Variants in NRCAM observed in about 807,000 individuals in gnomAD.
NRCAM encodes the protein neuronal cell adhesion molecule.
A neutral mutation model predicts 156.5 loss-of-function variants in NRCAM; 83 were observed. The ratio of observed to expected loss-of-function variants is 0.53; its 90% confidence interval spans 0.44 to 0.64. NRCAM has a LOEUF of 0.64. NRCAM is among the 30% of genes least tolerant of loss of function. The pLI, the probability that NRCAM is intolerant of heterozygous loss-of-function variation, is 0.00. For synonymous variants in NRCAM, 538 were observed against 563.9 expected (o/e 0.95, Z 0.65); for missense variants, 1,417 against 1,597.3 (o/e 0.89, Z 1.92).
chr7:108,161,497 G>C (rs988098460), intron 30 of NRCAM, among the ~76,000 whole-genome samples: 1 of 152,118 alleles, frequency 6.6e-6, no homozygotes, highest in Non-Finnish European at 1.5e-5. Flanking sequence ...TTTTTTAAAA[G>C]ACCTTTATTT....
At chr7:108,172,380 C>T (rs1168307508) in intron 28 of NRCAM, among the ~76,000 whole-genome samples, 1 of 152,118 alleles carries the variant, frequency 6.6e-6, no homozygotes, top group Non-Finnish European at 1.5e-5. Context: ...ACTGCAGCCT[C>T]TGCCTCCTGG....
At chr7:108,379,708 G>C (rs1162204453) in intron 2 of NRCAM, among the ~76,000 whole-genome samples, 7 of 151,772 alleles carry the variant, frequency 4.6e-5, no homozygotes, top group Admixed American at 4.6e-4. Context: ...TGAAACTTCT[G>C]AAAATAAAAA....
chr7:108,322,430 G>A (rs544650333), intron 2 of NRCAM, among the ~76,000 whole-genome samples: 3 of 152,286 alleles, frequency 2.0e-5, no homozygotes, highest in East Asian at 3.9e-4. Context: ...TTTATCCCAC[G>A]TTCCCTATTG....
chr7:108,385,381 G>C (rs1192883823), intron 2 of NRCAM, among the ~76,000 whole-genome samples: 1 of 152,184 alleles, frequency 6.6e-6, no homozygotes, highest in Non-Finnish European at 1.5e-5. Flanking sequence ...AATCACATGA[G>C]AGAATTTCAG....
intron 2 of NRCAM, among the ~76,000 whole-genome samples, chr7:108,372,855 C>T (rs61657144): frequency 0.14 from 20,611 of 151,934 alleles, 2,226 homozygotes; most frequent in African/African-American, 0.3. Flanking sequence ...TGGGTATTTG[C>T]CCAGAAGAAT....
chr7:108,168,869 G>A lies in NRCAM; in HGVS notation c.3188-467C>T, dbSNP rs530556504. Among the ~76,000 whole-genome samples, 8 of 152,310 alleles carry A rather than the reference G, an allele frequency of 5.3e-5. No individual in the cohort carries two copies. In the East Asian group the frequency reaches 1.2e-3, roughly 22 times the overall value. ...AGGTCTTTAAAAAATCTGTGTTGGTGTGACAGAGAATGCCCCTTTGAACAG... is the reference window on the plus strand; with the variant it reads ...AGGTCTTTAAAAAATCTGTGTTGGTATGACAGAGAATGCCCCTTTGAACAG... On this transcript the variant is annotated intron_variant, in intron 28 of 32. Coordinates refer to ENST00000379028, the MANE Select transcript of NRCAM (RefSeq NM_001037132.4).
intron 3 of NRCAM, among the ~76,000 whole-genome samples, chr7:108,274,785 A>G (rs2097529748): frequency 6.6e-6 from 1 of 152,138 alleles, no homozygotes; most frequent in South Asian, 2.1e-4. Context: ...TTTGAATAGG[A>G]GTGGCGACAG....
chr7:108,215,212 A>ATTTTTTT (rs71137615), intron 11 of NRCAM, among the ~76,000 whole-genome samples: 1 of 126,562 alleles, frequency 7.9e-6, no homozygotes, highest in African/African-American at 3.0e-5. Context: ...GTGTCCCACT[A>ATTTTTTT]TTTTTTTTTT....
intron 2 of NRCAM, among the ~76,000 whole-genome samples, chr7:108,366,275 A>T (rs186289321): frequency 6.6e-6 from 1 of 152,330 alleles, no homozygotes; most frequent in East Asian, 1.9e-4. Flanking sequence ...TACATATCAG[A>T]TTCATGATTC....
chr7:108,184,645 G>T lies in NRCAM; in HGVS notation c.2036-31C>A. 2.5e-6 allele frequency: 4 copies of T among 1,591,910 alleles called. No homozygotes were observed. The South Asian group carries it at 3.4e-5, about 13-fold the overall frequency. ...CACGACACACACACACCAAACCCAAGACCGTGAATTCAGTCAACTCAGGGG... is the reference window on the plus strand; with the variant it reads ...CACGACACACACACACCAAACCCAATACCGTGAATTCAGTCAACTCAGGGG... On this transcript the variant is annotated intron_variant, in intron 20 of 32. Transcript: ENST00000379028.
At chr7:108,440,162 A>G (rs1350835408) in intron 1 of NRCAM, among the ~76,000 whole-genome samples, 6 of 152,170 alleles carry the variant, frequency 3.9e-5, no homozygotes, top group Non-Finnish European at 8.8e-5. Context: ...GTATCTACAT[A>G]CCAGGGAATA....
intron 1 of NRCAM, among the ~76,000 whole-genome samples, chr7:108,425,988 A>G (rs1816784509): frequency 6.6e-6 from 1 of 152,206 alleles, no homozygotes; most frequent in African/African-American, 2.4e-5. Context: ...TATTTATGAG[A>G]AAGGAATTTT....
At chr7:108,293,203 A>G (rs1163846916) in intron 3 of NRCAM, among the ~76,000 whole-genome samples, 1 of 152,152 alleles carries the variant, frequency 6.6e-6, no homozygotes, top group African/African-American at 2.4e-5. Flanking sequence ...GCTGTATCCT[A>G]GCTCATAGGC....
rs1596273422 is a variant in NRCAM, at chr7:108,393,281, C to A, written c.-174+6155G>T. On this transcript the variant is annotated intron_variant, in intron 2 of 32. Coordinates refer to ENST00000379028, the MANE Select transcript of NRCAM (RefSeq NM_001037132.4). ...TCAGTAATGGTGGGCGCCCCTCCCC[C>A]AGCCTCGCTGCCACCTTGCAGATCG... Among the ~76,000 whole-genome samples the A allele has an allele frequency of 3.3e-5, 5 of 152,296 alleles. No individual in the cohort carries two copies. In the South Asian group the frequency reaches 1.0e-3, roughly 32 times the overall value.
At chr7:108,258,510 A>T (rs2096769194) in intron 3 of NRCAM, among the ~76,000 whole-genome samples, 1 of 152,126 alleles carries the variant, frequency 6.6e-6, no homozygotes. Flanking sequence ...ATGAAGCCCA[A>T]ATTTCCCATG....
At chr7:108,186,253 C>G (rs2066711063) in intron 20 of NRCAM, among the ~76,000 whole-genome samples, 1 of 152,216 alleles carries the variant, frequency 6.6e-6, no homozygotes, top group South Asian at 2.1e-4. Context: ...AAATGGATGA[C>G]TTTCATGTTT....
chr7:108,164,579 C>A (rs375359934), intron 30 of NRCAM, among the ~76,000 whole-genome samples: 1 of 136,588 alleles, frequency 7.3e-6, no homozygotes, highest in African/African-American at 2.9e-5. Context: ...AGAGGAGGAG[C>A]AGGAGCAGGA....
At chr7:108,330,045 G>C (rs2099110946) in intron 2 of NRCAM, among the ~76,000 whole-genome samples, 1 of 152,128 alleles carries the variant, frequency 6.6e-6, no homozygotes, top group South Asian at 2.1e-4. Flanking sequence ...CAGCTGCCTA[G>C]TCATTGATAC....
At chr7:108,303,037 C>A (rs1445453362) in intron 3 of NRCAM, among the ~76,000 whole-genome samples, 4 of 152,170 alleles carry the variant, frequency 2.6e-5, no homozygotes, top group Non-Finnish European at 4.4e-5. Flanking sequence ...TCTTGGCTCA[C>A]TGCAACCTCT....
Sources: gnomAD v4.1 joint callset for allele counts (sites outside exome capture counted in the v4.1 genomes callset) on GRCh38, gnomAD v4.1.1 for gene constraint, MANE v1.5 for transcripts, NCBI Gene and HGNC (gene_info 2026-07-23, HGNC 2026-07-21) for gene names.